The following PRKCG variants were observed in gnomAD, a reference collection of about 807,000 sequenced individuals.
PRKCG encodes protein kinase C gamma type.
A neutral mutation model predicts 82.0 loss-of-function variants in PRKCG; 28 were observed. The observed-to-expected ratio is 0.34, with a 90% confidence interval of 0.25 to 0.47. The LOEUF is 0.47. PRKCG is among the 20% of genes least tolerant of loss of function. The pLI is 1.00. For missense variants in PRKCG, 640 were observed against 952.7 expected, an observed-to-expected ratio of 0.67 and a Z score of 4.32; for synonymous variants, 383 against 376.6, an observed-to-expected ratio of 1.02 and a Z score of -0.20.
rs527651001 is a variant in PRKCG at position 53,889,017 on chromosome 19, A to G, written c.286-621A>G. 3.3e-5 allele frequency among the ~76,000 whole-genome samples: 5 copies of G among 152,148 alleles called. No homozygotes were observed. Among genetic ancestry groups the G allele is most frequent in the East Asian group, 3.9e-4 (2 of 5,182 alleles). On this transcript the variant is annotated intron_variant, in intron 3 of 17. Coordinates refer to ENST00000263431, the MANE Select transcript of PRKCG (RefSeq NM_002739.5). The surrounding 1 kb of genome is among the most constrained non-coding windows in gnomAD (Gnocchi z 4.4). ...ATCCAGGCTGGAGTGCAGTGGCACA[A>G]TCTTGGCTCACTGCAACCTCGGCCT...
upstream of PRKCG, among the ~76,000 whole-genome samples, chr19:53,881,106 GACA>G (rs2068585013): frequency 1.2e-5 from 1 of 81,510 alleles, no homozygotes; most frequent in South Asian, 4.8e-4. Context: ...CTGAGTCATA[GACA>G]GGAGAGAGAC....
intron 10 of PRKCG, 91 bp from the exon 11 acceptor site, chr19:53,898,349 A>T: frequency 6.6e-7 from 1 of 1,524,782 alleles, no homozygotes; most frequent in Non-Finnish European, 9.1e-7. Context: ...AGGGCCTGGG[A>T]TCCCGTTTCC....
intron 9 of PRKCG, among the ~76,000 whole-genome samples, chr19:53,896,262 C>T (rs2068717205): frequency 6.6e-6 from 1 of 151,850 alleles, no homozygotes; most frequent in Admixed American, 6.6e-5. Context: ...TTGTGGCTCA[C>T]AGCACTCTCC....
rs1568765181 is a variant in PRKCG, at chr19:53,907,052, G to T, written c.*157G>T. ...CGGGTTCTAGACGCCCCTCCCAAGC[G>T]TTCCTGGCCTTCTGAACTCCATACA... is the stretch of plus-strand genomic sequence containing the variant. On this transcript the variant is annotated 3_prime_UTR_variant, in exon 18 of 18. Transcript: ENST00000263431. 1 of 1,501,174 alleles carries T rather than the reference G, an allele frequency of 6.7e-7. No homozygotes were observed. The highest frequency in any genetic ancestry group is 8.9e-7 in the Non-Finnish European group (1 of 1,121,764). The allele number at this position is 1,501,174 out of a possible 1,614,324, so 93.0% of individuals were successfully genotyped here.
chr19:53,892,617 G>A lies in PRKCG; in HGVS notation c.795G>A (p.Glu265=). Residue 265 remains glutamate (E), a synonymous_variant, in exon 7 of 18, where the codon GAG becomes GAA. Coordinates refer to ENST00000263431, the MANE Select transcript of PRKCG (RefSeq NM_002739.5). This position sits in a 1 kb window ranked among gnomAD's most constrained non-coding sequence, Gnocchi z 5.9. ...FMGAMSFGVS[E]LLKAPVDGWY... ...GGGCCATGTCCTTTGGCGTCTCGGA[G>A]CTGCTCAAGGCGCCCGTGGATGGCT... 1 of 1,612,750 alleles carries A rather than the reference G, an allele frequency of 6.2e-7. No homozygotes were observed. Among genetic ancestry groups the A allele is most frequent in the Non-Finnish European group, 8.5e-7 (1 of 1,179,872 alleles).
chr19:53,890,095 C>T (rs2068662405), intron 5 of PRKCG, 78 bp downstream of exon 5: 1 of 1,435,306 alleles, frequency 7.0e-7, no homozygotes, highest in East Asian at 2.5e-5. Context: ...CTTGTGCTGG[C>T]CCAGCCCTAC....
rs1568760129 is a variant in PRKCG at position 53,900,312 on chromosome 19, A to C, written c.1361A>C (p.Glu454Ala). Residue 454 changes from glutamate to alanine, a missense_variant, in exon 12 of 18, where the codon GAG (glutamate) becomes GCG (alanine). Around this residue, in one of 7 missense-constraint regions of PRKCG, gnomAD observed 78 missense variants for 105.6 expected, o/e 0.74. Transcript: ENST00000263431. The surrounding 1 kb of genome is among the most constrained non-coding windows in gnomAD (Gnocchi z 4.2). Reference sequence around the variant, plus strand: ...ATTCAACAGCTGGGCAAGTTTAAGGAGCCCCATGCAGCGTGAGTCTCGGCC... The same window carrying C: ...ATTCAACAGCTGGGCAAGTTTAAGGCGCCCCATGCAGCGTGAGTCTCGGCC... ...YHIQQLGKFKEPHAAFYAAEI... is the reference protein window; with the variant it reads ...YHIQQLGKFKAPHAAFYAAEI... The C allele has an allele frequency of 6.2e-7, 1 of 1,614,030 alleles. No homozygotes were observed. The highest frequency in any genetic ancestry group is 8.5e-7 in the Non-Finnish European group (1 of 1,179,998).
At chr19:53,887,134 C>T (rs924152892) in intron 3 of PRKCG, among the ~76,000 whole-genome samples, 1 of 151,920 alleles carries the variant, frequency 6.6e-6, no homozygotes, top group Non-Finnish European at 1.5e-5. Flanking sequence ...TGCAATAGTG[C>T]TATCACTGCT....
intron 11 of PRKCG, among the ~76,000 whole-genome samples, chr19:53,899,233 G>C (rs1049801441): frequency 6.6e-6 from 1 of 151,884 alleles, no homozygotes; most frequent in South Asian, 2.1e-4. Flanking sequence ...AGTTCCTTGG[G>C]GGCGTGGCCA....
intron 14 of PRKCG, among the ~76,000 whole-genome samples, 172 bp from the exon 15 acceptor site, chr19:53,902,901 A>AAAG (rs1568761797): frequency 6.6e-6 from 1 of 151,092 alleles, no homozygotes. Context: ...AAAAAAAAAA[A>AAAG]AAAAAAAAAA....
chr19:53,892,628 C>T lies in PRKCG; in HGVS notation c.806C>T (p.Ala269Val), dbSNP rs201204984. ...MSFGVSELLKAPVDGWYKLLN... is the reference protein window; with the variant it reads ...MSFGVSELLKVPVDGWYKLLN... ...TTTGGCGTCTCGGAGCTGCTCAAGG[C>T]GCCCGTGGATGGCTGGTGAGGAGCA... Residue 269 changes from alanine (A) to valine (V), a missense_variant, in exon 7 of 18, where the codon GCG becomes GTG. Transcript: ENST00000263431. This position sits in a 1 kb window ranked among gnomAD's most constrained non-coding sequence, Gnocchi z 5.9. 2.1e-5 allele frequency: 34 copies of T among 1,611,950 alleles called. No individual in the cohort carries two copies. Among genetic ancestry groups the T allele is most frequent in the African/African-American group, 9.3e-5 (7 of 74,882 alleles).
chr19:53,893,277 G>C, intron 8 of PRKCG, 85 bp from the exon 9 acceptor site: 1 of 1,464,368 alleles, frequency 6.8e-7, no homozygotes, highest in Non-Finnish European at 9.6e-7. Flanking sequence ...GCCATGGCTT[G>C]AGGGTACTAG....
Position 53,906,842 on chromosome 19 carries a change from GT to G in PRKCG, c.2042del (p.Val681GlyfsTer24). 1 of 1,613,572 alleles carries G rather than the reference GT, an allele frequency of 6.2e-7. No individual in the cohort carries two copies. Among genetic ancestry groups the G allele is most frequent in the Non-Finnish European group, 8.5e-7 (1 of 1,179,968 alleles). On this transcript the variant is annotated frameshift_variant, in exon 18 of 18. Coordinates refer to ENST00000263431, the MANE Select transcript of PRKCG (RefSeq NM_002739.5). LOFTEE classifies it high-confidence loss of function. ...CTTCACCTACGTGAACCCCGACTTC[GT>G]GCACCCGGATGCCCGCAGCCCCACC... is the stretch of plus-strand genomic sequence containing the variant. Reference protein sequence around the residue: ...QGFTYVNPDFVHPDARSPTSP... With the variant: ...QGFTYVNPDFXHPDARSPTSP...
chr19:53,898,620 C>T lies in PRKCG; in HGVS notation c.1273C>T (p.Gln425Ter). The T allele has an allele frequency of 6.3e-7, 1 of 1,580,526 alleles. No individual in the cohort carries two copies. Among genetic ancestry groups the T allele is most frequent in the Non-Finnish European group, 8.6e-7 (1 of 1,164,644 alleles). The change falls in exon 11 of 18, where the codon CAG becomes TAG. Residue 425 changes from glutamine (Q) to a stop codon, truncating the protein, a stop_gained. Coordinates refer to ENST00000263431, the MANE Select transcript of PRKCG (RefSeq NM_002739.5). LOFTEE classifies it high-confidence loss of function. Reference sequence around the variant, plus strand: ...CCTCACCCAGCTCCACTCCACCTTCCAGACCCCGGTAAGGATGGAGGGGGC... The same window carrying T: ...CCTCACCCAGCTCCACTCCACCTTCTAGACCCCGGTAAGGATGGAGGGGGC... ...HFLTQLHSTF[Q>*]TPDRLYFVME...
chr19:53,907,096 C>T lies in PRKCG; in HGVS notation c.*201C>T, dbSNP rs1044555108. ...CCATACAGCCTCTACAGCCGTCCCGCGTTCAAGACTTGAGCGGAGCCCGAT... is the reference window on the plus strand; with the variant it reads ...CCATACAGCCTCTACAGCCGTCCCGTGTTCAAGACTTGAGCGGAGCCCGAT... On this transcript the variant is annotated 3_prime_UTR_variant, in exon 18 of 18. Transcript: ENST00000263431. 1.6e-6 allele frequency: 2 copies of T among 1,244,802 alleles called. No individual in the cohort carries two copies. Among genetic ancestry groups the T allele is most frequent in the African/African-American group, 3.0e-5 (2 of 66,128 alleles). 77.1% of individuals were successfully genotyped at this position (1,244,802 alleles called of 1,614,324 possible). A position where few individuals can be genotyped will look rare whatever the true frequency, so the allele number is the denominator to read the frequency against.
rs1265327062 is a variant in PRKCG at position 53,907,066 on chromosome 19, G to C, written c.*171G>C. On this transcript the variant is annotated 3_prime_UTR_variant, in exon 18 of 18. Transcript: ENST00000263431. The stretch of plus-strand genomic sequence containing the variant: ...CCCTCCCAAGCGTTCCTGGCCTTCT[G>C]AACTCCATACAGCCTCTACAGCCGT... 1 of 1,443,670 alleles carries C rather than the reference G, an allele frequency of 6.9e-7. No homozygotes were observed. Among genetic ancestry groups the C allele is most frequent in the African/African-American group, 1.4e-5 (1 of 70,624 alleles). The allele number at this position is 1,443,670 out of a possible 1,614,324, so 89.4% of individuals were successfully genotyped here.
At chr19:53,898,790 G>GT (rs1555807845) in intron 11 of PRKCG, among the ~76,000 whole-genome samples, 162 bp downstream of exon 11, 3 of 116,716 alleles carry the variant, frequency 2.6e-5, no homozygotes, top group Non-Finnish European at 5.2e-5. Context: ...GCCGGGGGGG[G>GT]GTCCTTGGGG....
chr19:53,898,367 C>G, intron 10 of PRKCG, 73 bp from the exon 11 acceptor site: 1 of 1,573,944 alleles, frequency 6.4e-7, no homozygotes, highest in Non-Finnish European at 8.7e-7. Context: ...TCCCTGCGTC[C>G]CTTAGGGAGG....
At chr19:53,891,362 C>T (rs1192120814) in intron 5 of PRKCG, among the ~76,000 whole-genome samples, 7 of 151,296 alleles carry the variant, frequency 4.6e-5, no homozygotes, top group Admixed American at 1.3e-4. Context: ...CTGCAAGCTC[C>T]GACTCCTGGG....
Sources: gnomAD v4.1 joint callset for allele counts (sites outside exome capture counted in the v4.1 genomes callset) on GRCh38, gnomAD v4.1.1 for gene constraint, gnomAD v4.1.1 regional missense constraint, Gnocchi (gnomAD v3.1) non-coding constraint, MANE v1.5 for transcripts, NCBI Gene and HGNC (gene_info 2026-07-23, HGNC 2026-07-21) for gene names.